The following AHR variants were observed in gnomAD, a reference collection of about 807,000 sequenced individuals.
AHR encodes the protein AH-receptor.
AHR carries 40 observed loss-of-function variants against 86.8 expected under a neutral mutation model. The observed-to-expected ratio is 0.46, with a 90% CI of 0.36 to 0.60. The LOEUF (loss-of-function observed/expected upper bound fraction) is 0.60, where lower values mean the gene tolerates loss of function less well. Ranked by LOEUF, AHR falls within the 20% of genes least tolerant of loss-of-function variation. The pLI is 0.00. For missense variants in AHR, 1,001 were observed against 1,011.6 expected (o/e 0.99, Z 0.14); for synonymous variants, 398 against 354.9 (o/e 1.12, Z -1.37).
At chr7:17,319,821 T>C (rs924445476) in intron 2 of AHR, among the ~76,000 whole-genome samples, 2 of 152,122 alleles carry the variant, frequency 1.3e-5, no homozygotes, top group Admixed American at 1.3e-4. Flanking sequence ...AGACATTACA[T>C]AGTTTAGGCT....
In AHR at chr7:17,330,036, A is replaced by C. The variant is rs368615071; in HGVS notation, c.535A>C (p.Asn179His). 33 of 1,611,238 alleles carry C rather than the reference A, an allele frequency of 2.0e-5. No individual in the cohort carries two copies. The African/African-American group carries it at 4.0e-4, about 20-fold the overall frequency. The change falls in exon 5 of 11, where the codon AAT (asparagine) becomes CAT (histidine). Residue 179 changes from asparagine (N) to histidine (H), a missense_variant. Around this residue, in one of 2 missense-constraint regions of AHR, gnomAD observed 394 missense variants for 468.5 expected, o/e 0.84. Coordinates refer to ENST00000242057, the MANE Select transcript of AHR (RefSeq NM_001621.5). The stretch of plus-strand genomic sequence containing the variant: ...TCAGCGTCAGCTACACTGGGCATTA[A>C]ATCCTTCTCAGTGTACAGAGTCTGG... ...EFQRQLHWALNPSQCTESGQG... is the reference protein window; with the variant it reads ...EFQRQLHWALHPSQCTESGQG...
At chr7:17,306,853 T>G (rs1782010973) in intron 1 of AHR, among the ~76,000 whole-genome samples, 1 of 152,184 alleles carries the variant, frequency 6.6e-6, no homozygotes, top group African/African-American at 2.4e-5. Context: ...TTGGTCAGGT[T>G]GTGATCATTC....
chr7:17,338,545 AG>A (rs1404884488), intron 9 of AHR, among the ~76,000 whole-genome samples: 1 of 151,920 alleles, frequency 6.6e-6, no homozygotes, highest in African/African-American at 2.4e-5. Flanking sequence ...TGTAGAGGTG[AG>A]GGTCTTGCCA....
At chr7:17,330,722 G>T in intron 5 of AHR, 34 bp from the exon 6 acceptor site, 20 of 1,520,334 alleles carry the variant, frequency 1.3e-5, no homozygotes, top group Non-Finnish European at 1.8e-5. Flanking sequence ...CAGCAAAATG[G>T]AAAGTAAATT....
At chr7:17,316,017 GT>G (rs1033460538) in intron 2 of AHR, among the ~76,000 whole-genome samples, 1 of 152,126 alleles carries the variant, frequency 6.6e-6, no homozygotes, top group African/African-American at 2.4e-5. Flanking sequence ...AAGATAAGAT[GT>G]TTTAAGGATG....
At chr7:17,337,971 G>A (rs1046689952) in intron 9 of AHR, among the ~76,000 whole-genome samples, 2 of 150,716 alleles carry the variant, frequency 1.3e-5, no homozygotes, top group Non-Finnish European at 3.0e-5. Flanking sequence ...TGCCCGAGGC[G>A]GGCGGATCAC....
intron 5 of AHR, 23 bp downstream of exon 5, chr7:17,330,098 A>G (rs1054137966): frequency 1.9e-6 from 3 of 1,603,628 alleles, no homozygotes; most frequent in African/African-American, 1.3e-5. Flanking sequence ...GGTACAAAAA[A>G]TAGTGTTGGT....
chr7:17,313,460 A>T (rs1470014976), intron 2 of AHR, among the ~76,000 whole-genome samples: 1 of 152,198 alleles, frequency 6.6e-6, no homozygotes, highest in Non-Finnish European at 1.5e-5. Context: ...AAGGAAACTC[A>T]AGTTTTACTG....
At position 17,346,069 on chromosome 7, in the gene AHR, T is replaced by A. The variant is rs1782480903; in HGVS notation, c.*3005T>A. 6.5e-6 allele frequency: 1 copy of A among 152,688 alleles called. No individual in the cohort carries two copies. The highest frequency in any genetic ancestry group is 2.4e-5 in the African/African-American group (1 of 41,446). The allele number at this position is 152,688 out of a possible 1,614,324, so 9.5% of individuals were successfully genotyped here. A position where few individuals can be genotyped will look rare whatever the true frequency, so the allele number is the denominator to read the frequency against. On this transcript the variant is annotated 3_prime_UTR_variant, in exon 11 of 11. Coordinates refer to ENST00000242057, the MANE Select transcript of AHR (RefSeq NM_001621.5). The stretch of plus-strand genomic sequence containing the variant: ...CTGCTTACATATATCATGCATAGAT[T>A]TTTGCTTAAAGTATGATTTATAATA...
chr7:17,302,660 A>G (rs1781965901), intron 1 of AHR, among the ~76,000 whole-genome samples: 1 of 151,926 alleles, frequency 6.6e-6, no homozygotes, highest in African/African-American at 2.4e-5. Flanking sequence ...AAAAAGAGGA[A>G]ACAGGTATAA....
At chr7:17,338,271 A>T (rs1202108537) in intron 9 of AHR, among the ~76,000 whole-genome samples, 1 of 60,040 alleles carries the variant, frequency 1.7e-5, no homozygotes, top group East Asian at 4.2e-4. Flanking sequence ...TTATTATGCC[A>T]ATCTGTCTTT....
Position 17,329,839 on chromosome 7 carries a change from T to C in AHR, c.451-113T>C, listed in dbSNP as rs573679078. ...TAGGGAATTTTAGGAATCATTCAAT[T>C]CGTATTCATCACCACTAGCAAGCAC... On this transcript the variant is annotated intron_variant, in intron 4 of 10. Transcript: ENST00000242057. The C allele has an allele frequency of 1.0e-5, 9 of 896,058 alleles. No individual in the cohort carries two copies. The South Asian group carries it at 1.6e-4, about 16-fold the overall frequency. 55.5% of individuals were successfully genotyped at this position (896,058 alleles called of 1,614,324 possible).
At chr7:17,323,204 C>G (rs1319204619) in intron 3 of AHR, among the ~76,000 whole-genome samples, 1 of 152,044 alleles carries the variant, frequency 6.6e-6, no homozygotes, top group Non-Finnish European at 1.5e-5. Context: ...TTTAGAGGTT[C>G]TAATTTAAGA....
At chr7:17,332,702 G>T (rs747983509) in intron 6 of AHR, among the ~76,000 whole-genome samples, 13 of 151,936 alleles carry the variant, frequency 8.6e-5, no homozygotes, top group Non-Finnish European at 1.2e-4. Flanking sequence ...AAAAGTTTAT[G>T]AAGTAAAAAT....
rs1782384403 is a variant in AHR, at chr7:17,338,857, A to T, written c.1161-129A>T. The T allele has an allele frequency of 4.3e-6, 4 of 924,020 alleles. No individual in the cohort carries two copies. The Admixed American group carries it at 1.3e-4, about 30-fold the overall frequency. The allele number at this position is 924,020 out of a possible 1,614,324, so 57.2% of individuals were successfully genotyped here. On this transcript the variant is annotated intron_variant, in intron 9 of 10. Coordinates refer to ENST00000242057, the MANE Select transcript of AHR (RefSeq NM_001621.5). ...CCAGTCATGAGAATAATTGAGGTGAAAATAAAATATGTCCCTTTCTGAATT... is the reference window on the plus strand; with the variant it reads ...CCAGTCATGAGAATAATTGAGGTGATAATAAAATATGTCCCTTTCTGAATT...
chr7:17,342,567 C>T (rs967125059), intron 10 of AHR, among the ~76,000 whole-genome samples: 6 of 152,048 alleles, frequency 3.9e-5, no homozygotes, highest in African/African-American at 1.4e-4. Context: ...TCAAAGCAAA[C>T]CTACTTATGA....
At chr7:17,335,272 T>C (rs527584484) in intron 8 of AHR, among the ~76,000 whole-genome samples, 1 of 152,218 alleles carries the variant, frequency 6.6e-6, no homozygotes, top group Non-Finnish European at 1.5e-5. Flanking sequence ...TATCAATTCA[T>C]AAATCTATGT....
intron 2 of AHR, among the ~76,000 whole-genome samples, chr7:17,311,681 T>G (rs1782065884): frequency 6.6e-6 from 1 of 152,208 alleles, no homozygotes; most frequent in African/African-American, 2.4e-5. Context: ...TACACAAATT[T>G]TCTCTGACCT....
intron 9 of AHR, 143 bp from the exon 10 acceptor site, chr7:17,338,843 A>C (rs184914819): frequency 2.6e-6 from 2 of 777,816 alleles, no homozygotes; most frequent in Non-Finnish European, 1.9e-6. Flanking sequence ...CAGTCATGAG[A>C]ATAATTGAGG....
Sources: allele counts gnomAD v4.1 joint callset (sites outside exome capture counted in the v4.1 genomes callset), GRCh38; gene constraint gnomAD v4.1.1; regional missense constraint gnomAD v4.1.1; transcripts MANE v1.5; gene names NCBI Gene and HGNC (gene_info 2026-07-23, HGNC 2026-07-21).